Variants in TEP1 observed in about 807,000 individuals in gnomAD.
The protein encoded by TEP1 is telomerase associated protein 1.
A neutral mutation model predicts 306.3 loss-of-function variants in TEP1; 241 were observed. That is an observed-to-expected ratio of 0.79 (90% confidence interval 0.71 to 0.88). The LOEUF (loss-of-function observed/expected upper bound fraction) is 0.88, where lower values mean the gene tolerates loss of function less well. Ranked by LOEUF, TEP1 falls within the 40% of genes least tolerant of loss-of-function variation. The pLI, the probability that TEP1 is intolerant of heterozygous loss-of-function variation, is 0.00. For synonymous variants in TEP1, 1,289 were observed against 1,305.5 expected, an observed-to-expected ratio of 0.99 and a Z score of 0.27; for missense variants, 3,051 against 3,276.1, an observed-to-expected ratio of 0.93 and a Z score of 1.68.
At position 20,375,848 on chromosome 14, in the gene TEP1, C is replaced by T; in HGVS notation, c.6270G>A (p.Val2090=). 1.2e-6 allele frequency: 2 copies of T among 1,613,380 alleles called. No individual in the cohort carries two copies. The highest frequency in any genetic ancestry group is 1.7e-6 in the Non-Finnish European group (2 of 1,179,806). The stretch of plus-strand genomic sequence containing the variant: ...TCAAAACAGGGGTTTTGGGTGTCCT[C>T]ACGTCCCAGCAGAGGAGACTCTGGA... ...GRDRSLLCWD[V]RTPKTPVLIH... is the part of the protein sequence containing the mutation. The change falls in exon 43 of 55, where the codon GTG becomes GTA. Residue 2090 remains valine (V), a synonymous_variant. Transcript: ENST00000262715.
chr14:20,408,943 A>G (rs1289086632), intron 1 of TEP1, among the ~76,000 whole-genome samples: 2 of 152,000 alleles, frequency 1.3e-5, no homozygotes, highest in African/African-American at 4.8e-5. Flanking sequence ...TATCAGTTTG[A>G]TCCCTACTTA....
In TEP1 at chr14:20,381,752, A is replaced by G. The variant is rs1264958397; in HGVS notation, c.4425-66T>C. On this transcript the variant is annotated intron_variant, in intron 30 of 54. Transcript: ENST00000262715. The surrounding 1 kb of genome is among the most constrained non-coding windows in gnomAD (Gnocchi z 4.0). ...CCTGTCAGTGAGCTTCCTGGCACAC[A>G]GTGGGCTCCTATTCCCCCCTCAAAT... is the stretch of plus-strand genomic sequence containing the variant. The G allele has an allele frequency of 4.5e-6, 7 of 1,538,704 alleles. No individual in the cohort carries two copies. In the African/African-American group the frequency reaches 6.9e-5, roughly 15 times the overall value.
rs751142700 is a variant in TEP1, at chr14:20,395,629, T to C, written c.1751-2A>G. On this transcript the variant is annotated splice_acceptor_variant, in intron 11 of 54. Coordinates refer to ENST00000262715, the MANE Select transcript of TEP1 (RefSeq NM_007110.5). LOFTEE classifies it high-confidence loss of function. ...TTATATTCGAAGGAAAGGGCAATGCTGTATGATGACAGGTAAATTTCCGAG... is the reference window on the plus strand; with the variant it reads ...TTATATTCGAAGGAAAGGGCAATGCCGTATGATGACAGGTAAATTTCCGAG... 4 of 1,592,744 alleles carry C rather than the reference T, an allele frequency of 2.5e-6. No homozygotes were observed. Among genetic ancestry groups the C allele is most frequent in the Admixed American group, 3.4e-5 (2 of 59,362 alleles).
chr14:20,380,804 C>T (rs1108613), intron 33 of TEP1, 127 bp downstream of exon 33: 180,363 of 832,348 alleles, frequency 0.22, 23,093 homozygotes, highest in African/African-American at 0.53. Context: ...ATTTTCAACT[C>T]GAAATGGAAA....
In TEP1 at chr14:20,405,323, A is replaced by G; in HGVS notation, c.870+128T>C. 3.1e-6 allele frequency: 4 copies of G among 1,309,078 alleles called. No individual in the cohort carries two copies. In the South Asian group the frequency reaches 5.5e-5, roughly 18 times the overall value. The allele number at this position is 1,309,078 out of a possible 1,614,324, so 81.1% of individuals were successfully genotyped here. On this transcript the variant is annotated intron_variant, in intron 4 of 54. Coordinates refer to ENST00000262715, the MANE Select transcript of TEP1 (RefSeq NM_007110.5). ...CAGGGACTAGGCCGCAGACTCACCC[A>G]GAAATCCTTCCTAAGAGAAGCTCCT...
chr14:20,394,746 G>A (rs550087820), intron 12 of TEP1, among the ~76,000 whole-genome samples: 7 of 151,992 alleles, frequency 4.6e-5, no homozygotes, highest in East Asian at 1.9e-4. Context: ...CACCTGCCTC[G>A]GCCTCCCAAA....
rs1270654650 is a variant in TEP1, at chr14:20,386,055, T to G, written c.2982+20A>C. ...ATCTTTGCTTCCTCCCCAGCCCTCCTCCAAACCTGTCTGCCTTACCCAGTG... is the reference window on the plus strand; with the variant it reads ...ATCTTTGCTTCCTCCCCAGCCCTCCGCCAAACCTGTCTGCCTTACCCAGTG... On this transcript the variant is annotated intron_variant, in intron 20 of 54. Transcript: ENST00000262715. 2 of 1,586,940 alleles carry G rather than the reference T, an allele frequency of 1.3e-6. No individual in the cohort carries two copies. Among genetic ancestry groups the G allele is most frequent in the Non-Finnish European group, 1.7e-6 (2 of 1,170,228 alleles).
Position 20,371,619 on chromosome 14 carries a change from G to T in TEP1, c.7090C>A (p.Arg2364=), listed in dbSNP as rs199992841. Residue 2364 remains arginine (R), a synonymous_variant, in exon 50 of 55, where the codon CGA becomes AGA. Transcript: ENST00000262715. ...APGNLSLHLN[R]ILQEDLGVLT... The stretch of plus-strand genomic sequence containing the variant: ...ACCCCTAAGTCCTCCTGTAGAATTC[G>T]GTTCAGGTGAAGACTAGCTCAAAAA... 1.3e-6 allele frequency: 2 copies of T among 1,577,304 alleles called. No individual in the cohort carries two copies. The highest frequency in any genetic ancestry group is 1.7e-6 in the Non-Finnish European group (2 of 1,170,558).
chr14:20,406,872 T>C (rs1879218629), intron 2 of TEP1, among the ~76,000 whole-genome samples: 1 of 152,254 alleles, frequency 6.6e-6, no homozygotes, highest in African/African-American at 2.4e-5. Flanking sequence ...TATGTATGAC[T>C]CTTTGCAAAA....
At position 20,378,156 on chromosome 14, in the gene TEP1, G is replaced by A; in HGVS notation, c.5589C>T (p.Asp1863=). 6.2e-7 allele frequency: 1 copy of A among 1,613,896 alleles called. No individual in the cohort carries two copies. Among genetic ancestry groups the A allele is most frequent in the African/African-American group, 1.3e-5 (1 of 75,034 alleles). Residue 1863 remains aspartate (D), a synonymous_variant, in exon 39 of 55, where the codon GAC becomes GAT. Coordinates refer to ENST00000262715, the MANE Select transcript of TEP1 (RefSeq NM_007110.5). The part of the protein sequence containing the change: ...PGGVVAVGRL[D]SMVELWAWRE... ...GCCAGGCCCACAGCTCCACCATACT[G>A]TCCAGCCGGCCCACAGCCACAACCC... is the stretch of plus-strand genomic sequence containing the variant.
rs536975637 is a variant in TEP1 at position 20,379,193 on chromosome 14, C to T, written c.5128-88G>A. On this transcript the variant is annotated intron_variant, in intron 35 of 54. Coordinates refer to ENST00000262715, the MANE Select transcript of TEP1 (RefSeq NM_007110.5). Reference sequence around the variant, plus strand: ...TCCAGGCCCCACCCAAAAAGAAGGCCAAGGCACAAAGGCCATGAGTCCTTG... The same window carrying T: ...TCCAGGCCCCACCCAAAAAGAAGGCTAAGGCACAAAGGCCATGAGTCCTTG... The T allele has an allele frequency of 6.1e-5, 94 of 1,533,858 alleles. No individual in the cohort carries two copies. The East Asian group carries it at 1.8e-3, about 30-fold the overall frequency.
chr14:20,374,617 C>T (rs561161215), intron 43 of TEP1, 81 bp from the exon 44 acceptor site: 40 of 916,026 alleles, frequency 4.4e-5, no homozygotes, highest in Non-Finnish European at 5.7e-5. Flanking sequence ...GGGTGGAAGG[C>T]GGTTAGCCAC....
In TEP1 at chr14:20,403,703, G is replaced by A. The variant is rs761830674; in HGVS notation, c.1194+20C>T. 2 of 1,612,970 alleles carry A rather than the reference G, an allele frequency of 1.2e-6. No homozygotes were observed. Among genetic ancestry groups the A allele is most frequent in the Non-Finnish European group, 1.7e-6 (2 of 1,179,976 alleles). On this transcript the variant is annotated intron_variant, in intron 6 of 54. Coordinates refer to ENST00000262715, the MANE Select transcript of TEP1 (RefSeq NM_007110.5). ...CCTGGAGAAAAGGGGCGTGGGTCGA[G>A]GGCTGGGGCAGTGACTGACTGGAGA...
intron 4 of TEP1, 26 bp downstream of exon 4, chr14:20,405,425 C>T (rs1879101490): frequency 1.2e-6 from 2 of 1,611,626 alleles, no homozygotes; most frequent in Admixed American, 1.7e-5. Context: ...CTTCACACCC[C>T]CATCCCCTCC....
At chr14:20,371,148 G>T in intron 51 of TEP1, 70 bp downstream of exon 51, 2 of 1,350,514 alleles carry the variant, frequency 1.5e-6, no homozygotes, top group South Asian at 2.3e-5. Flanking sequence ...CCTCCATGAC[G>T]GGCCCCAAGG....
intron 2 of TEP1, among the ~76,000 whole-genome samples, chr14:20,406,929 T>C (rs954359774): frequency 6.6e-6 from 1 of 152,244 alleles, no homozygotes; most frequent in East Asian, 1.9e-4. Context: ...GTAATCCTGA[T>C]AACAACCCTG....
Position 20,394,787 on chromosome 14 carries a change from C to T in TEP1, c.1928+663G>A, listed in dbSNP as rs376320075. On this transcript the variant is annotated intron_variant, in intron 12 of 54. Transcript: ENST00000262715. Reference sequence around the variant, plus strand: ...GGGATTACAGGCGTGAGCCACCACACCCAGCCAGGCTTGATTCTTAAATGG... The same window carrying T: ...GGGATTACAGGCGTGAGCCACCACATCCAGCCAGGCTTGATTCTTAAATGG... Among the ~76,000 whole-genome samples the T allele has an allele frequency of 5.9e-5, 9 of 152,300 alleles. No homozygotes were observed. In the South Asian group the frequency reaches 1.5e-3, roughly 25 times the overall value.
Position 20,387,667 on chromosome 14 carries a change from G to T in TEP1, c.2684+238C>A, listed in dbSNP as rs150336838. 1.3e-3 allele frequency among the ~76,000 whole-genome samples: 195 copies of T among 152,360 alleles called. 4 individuals are homozygous for T. In the South Asian group the frequency reaches 0.039, roughly 31 times the overall value. Reference sequence around the variant, plus strand: ...CCTCTGCCTACGCCCTGGCCATACGGCCATGATGTCTGCCGTCATCTTTGC... The same window carrying T: ...CCTCTGCCTACGCCCTGGCCATACGTCCATGATGTCTGCCGTCATCTTTGC... On this transcript the variant is annotated intron_variant, in intron 18 of 54. Coordinates refer to ENST00000262715, the MANE Select transcript of TEP1 (RefSeq NM_007110.5).
chr14:20,381,383 C>T lies in TEP1; in HGVS notation c.4577G>A (p.Cys1526Tyr). ...ILIAAQLWKTCDADASGTFRS... is the reference protein window; with the variant it reads ...ILIAAQLWKTYDADASGTFRS... ...GAAGGTGCCTGAGGCATCAGCGTCA[C>T]ATGTCTTCCAGAGCTGAGCTGCATG... The change falls in exon 32 of 55, where the codon TGT (cysteine) becomes TAT (tyrosine). Residue 1526 changes from cysteine (C) to tyrosine (Y), a missense_variant. Physicochemically the swap from Cys to Tyr is radical, Grantham distance 194. Coordinates refer to ENST00000262715, the MANE Select transcript of TEP1 (RefSeq NM_007110.5). The surrounding 1 kb of genome is among the most constrained non-coding windows in gnomAD (Gnocchi z 4.0). The T allele has an allele frequency of 6.2e-7, 1 of 1,614,178 alleles. No homozygotes were observed. Among genetic ancestry groups the T allele is most frequent in the African/African-American group, 1.3e-5 (1 of 75,056 alleles).
Sources: allele counts gnomAD v4.1 joint callset (sites outside exome capture counted in the v4.1 genomes callset), GRCh38; gene constraint gnomAD v4.1.1; non-coding constraint Gnocchi (gnomAD v3.1); transcripts MANE v1.5; gene names NCBI Gene and HGNC (gene_info 2026-07-23, HGNC 2026-07-21).